The following CLASP1 variants were observed in gnomAD, a reference collection of about 807,000 sequenced individuals.
CLASP1 encodes the protein CLIP-associating protein 1.
A neutral mutation model predicts 192.3 loss-of-function variants in CLASP1; 38 were observed. That is an observed-to-expected ratio of 0.20 (90% CI 0.15 to 0.26). The LOEUF (loss-of-function observed/expected upper bound fraction) is 0.26. CLASP1 is among the 10% of genes least tolerant of loss of function. CLASP1 has a pLI of 1.00. For synonymous variants in CLASP1, 691 were observed against 712.8 expected, an observed-to-expected ratio of 0.97 and a Z score of 0.49; for missense variants, 1,433 against 1,932.5, an observed-to-expected ratio of 0.74 and a Z score of 4.85.
chr2:121,574,593 C>A (rs2060299270), intron 2 of CLASP1, among the ~76,000 whole-genome samples: 2 of 148,836 alleles, frequency 1.3e-5, no homozygotes, highest in Non-Finnish European at 3.0e-5. Context: ...CAAGATTGTG[C>A]CACTGCACTC....
chr2:121,588,333 A>G (rs962133504), intron 2 of CLASP1, among the ~76,000 whole-genome samples: 2 of 152,216 alleles, frequency 1.3e-5, no homozygotes, highest in African/African-American at 4.8e-5. Flanking sequence ...ATCAATACCT[A>G]AAGAATTCAA....
intron 1 of CLASP1, among the ~76,000 whole-genome samples, chr2:121,632,380 CAT>C (rs1238639289): frequency 6.6e-6 from 1 of 152,056 alleles, no homozygotes; most frequent in Non-Finnish European, 1.5e-5. Flanking sequence ...GGAATTTATT[CAT>C]ATATGTGCAA....
chr2:121,505,104 T>C (rs566611454), intron 7 of CLASP1: 15 of 152,344 alleles, frequency 9.8e-5, no homozygotes, highest in African/African-American at 3.6e-4. Flanking sequence ...AAGGCACTAC[T>C]TGATTGTGTC....
chr2:121,348,772 A>C, intron 37 of CLASP1, 54 bp from the exon 39 acceptor site: 2 of 1,435,284 alleles, frequency 1.4e-6, no homozygotes, highest in Non-Finnish European at 1.9e-6. Context: ...ATGAAGCGAA[A>C]GACCAAACAT....
At chr2:121,519,047 C>T (rs1411518565) in intron 6 of CLASP1, among the ~76,000 whole-genome samples, 1 of 152,166 alleles carries the variant, frequency 6.6e-6, no homozygotes, top group African/African-American at 2.4e-5. Context: ...CAGGCAGCTA[C>T]TTAGAAAGTC....
At chr2:121,530,039 A>G (rs1367457483) in intron 3 of CLASP1, among the ~76,000 whole-genome samples, 3 of 140,650 alleles carry the variant, frequency 2.1e-5, no homozygotes, top group Non-Finnish European at 4.6e-5. Context: ...CTGGAAGGGA[A>G]GGCAGCGGGG....
At chr2:121,545,188 A>G (rs1021248141) in intron 2 of CLASP1, among the ~76,000 whole-genome samples, 7 of 152,266 alleles carry the variant, frequency 4.6e-5, no homozygotes, top group African/African-American at 1.7e-4. Flanking sequence ...TGTTGGGATT[A>G]CAGGTGTTAG....
chr2:121,363,387 AC>A, intron 36 of CLASP1, 87 bp from the exon 38 acceptor site: 1 of 1,543,222 alleles, frequency 6.5e-7, no homozygotes. Context: ...AAGGCCAAGC[AC>A]CCAGTTCTGG....
At chr2:121,416,621 C>A (rs954317550) in intron 23 of CLASP1, among the ~76,000 whole-genome samples, 1 of 152,146 alleles carries the variant, frequency 6.6e-6, no homozygotes, top group Admixed American at 6.5e-5. Flanking sequence ...TAACCCCAAG[C>A]CTGGAAATAA....
chr2:121,357,089 G>A (rs1223675907), intron 37 of CLASP1, among the ~76,000 whole-genome samples: 1 of 152,150 alleles, frequency 6.6e-6, no homozygotes, highest in Non-Finnish European at 1.5e-5. Flanking sequence ...CTAGCCTAAC[G>A]CTGACAATGT....
At chr2:121,478,741 C>CACA (rs2092053696) in intron 8 of CLASP1, among the ~76,000 whole-genome samples, 2 of 51,334 alleles carry the variant, frequency 3.9e-5, no homozygotes, top group East Asian at 5.5e-4. Context: ...ACACACACAC[C>CACA]CCACACACAC....
chr2:121,368,097 T>C (rs2067795946), intron 34 of CLASP1, among the ~76,000 whole-genome samples: 1 of 152,120 alleles, frequency 6.6e-6, no homozygotes, highest in African/African-American at 2.4e-5. Context: ...TACCAAGATG[T>C]TTTCTGAGGG....
At chr2:121,564,375 A>G (rs530843653) in intron 2 of CLASP1, among the ~76,000 whole-genome samples, 4 of 152,318 alleles carry the variant, frequency 2.6e-5, no homozygotes, top group Admixed American at 2.0e-4. Flanking sequence ...TATCATGACT[A>G]AAATGGTTTG....
chr2:121,391,332 G>A lies in CLASP1; in HGVS notation c.3124-3426C>T, dbSNP rs370561881. 2.8e-4 allele frequency among the ~76,000 whole-genome samples: 43 copies of A among 152,266 alleles called. No individual in the cohort carries two copies. The East Asian group carries it at 5.8e-3, about 21-fold the overall frequency. On this transcript the variant is annotated intron_variant, in intron 30 of 39. Transcript: ENST00000263710. ...CTAGTGGGGAAATCCTCACCTACTC[G>A]ACTACGCTGAAGTGAGGACTGGCAA...
chr2:121,463,276 T>C (rs1385496320), intron 9 of CLASP1, among the ~76,000 whole-genome samples: 3 of 152,202 alleles, frequency 2.0e-5, no homozygotes, highest in Admixed American at 6.5e-5. Flanking sequence ...TTGGTATCTA[T>C]AGTCCTCTTC....
chr2:121,481,542 T>C (rs1014024579), intron 8 of CLASP1, among the ~76,000 whole-genome samples: 2 of 152,162 alleles, frequency 1.3e-5, no homozygotes, highest in African/African-American at 4.8e-5. Context: ...AAAAGCTCAA[T>C]TAGGAATATG....
chr2:121,530,351 G>C, intron 2 of CLASP1, 26 bp from the exon 3 acceptor site: 3 of 1,534,218 alleles, frequency 2.0e-6, no homozygotes, highest in Non-Finnish European at 2.6e-6. Flanking sequence ...CCGGGAGCCT[G>C]TTAGCAGCCG....
chr2:121,520,771 G>A (rs989992367), intron 6 of CLASP1, among the ~76,000 whole-genome samples: 8 of 152,062 alleles, frequency 5.3e-5, no homozygotes, highest in Non-Finnish European at 1.0e-4. Flanking sequence ...AGGATGCCTC[G>A]GACCACTGGC....
At chr2:121,579,927 G>A (rs2060947189) in intron 2 of CLASP1, among the ~76,000 whole-genome samples, 1 of 152,174 alleles carries the variant, frequency 6.6e-6, no homozygotes, top group Admixed American at 6.5e-5. Flanking sequence ...ATTCATACCA[G>A]TGTTTGCTCA....
Sources: allele counts gnomAD v4.1 joint callset (sites outside exome capture counted in the v4.1 genomes callset), GRCh38; gene constraint gnomAD v4.1.1; transcripts MANE v1.5; gene names NCBI Gene and HGNC (gene_info 2026-07-23, HGNC 2026-07-21).